ELAVL1: variants seen among roughly 807,000 people sequenced by gnomAD.
ELAVL1 encodes ELAV like RNA binding protein 1.
A neutral mutation model predicts 28.4 loss-of-function variants in ELAVL1; 1 was observed. The observed-to-expected ratio is 0.04, with a 90% CI of 0.01 to 0.17. The LOEUF is 0.17. Among genes scored for constraint, ELAVL1 ranks in the 10% least tolerant of loss-of-function variants. The pLI is 1.00. For synonymous variants in ELAVL1, 174 were observed against 183.5 expected (o/e 0.95, Z 0.42); for missense variants, 157 against 447.2 (o/e 0.35, Z 5.85).
rs1985447271 is a variant in ELAVL1 at position 7,981,018 on chromosome 19, G to A, written c.276+65C>T. The A allele has an allele frequency of 2.0e-6, 3 of 1,517,582 alleles. No individual in the cohort carries two copies. The highest frequency in any genetic ancestry group is 1.4e-5 in the African/African-American group (1 of 73,124). 94.0% of individuals were successfully genotyped at this position (1,517,582 alleles called of 1,614,324 possible). On this transcript the variant is annotated intron_variant, in intron 3 of 5. Transcript: ENST00000407627. The surrounding 1 kb of genome is among the most constrained non-coding windows in gnomAD (Gnocchi z 4.2). ...CCTTGGAGAGTGACTGTGAGGCTGG[G>A]CGGGGCTCAGCACAGACCTGTGCCC...
At chr19:7,971,965 G>C (rs994334806) in intron 4 of ELAVL1, among the ~76,000 whole-genome samples, 1 of 152,238 alleles carries the variant, frequency 6.6e-6, no homozygotes, top group Non-Finnish European at 1.5e-5. Flanking sequence ...CATGAAAGGC[G>C]AGGCTCTGGG....
In ELAVL1 at chr19:7,963,350, C is replaced by T; in HGVS notation, c.*133G>A. 4 of 1,071,214 alleles carry T rather than the reference C, an allele frequency of 3.7e-6. No homozygotes were observed. The highest frequency in any genetic ancestry group is 5.3e-6 in the Non-Finnish European group (4 of 754,616). 66.4% of individuals were successfully genotyped at this position (1,071,214 alleles called of 1,614,324 possible). A position where few individuals can be genotyped will look rare whatever the true frequency, so the allele number is the denominator to read the frequency against. On this transcript the variant is annotated 3_prime_UTR_variant, in exon 6 of 6. Transcript: ENST00000407627. The surrounding 1 kb of genome is among the most constrained non-coding windows in gnomAD (Gnocchi z 4.5). The stretch of plus-strand genomic sequence containing the variant: ...TCGGTTGCATCCCAGAGTATAAAAA[C>T]CTTCTCACTTCTCATTCAGACAAAG...
At chr19:7,998,035 C>A (rs1017022333) in intron 1 of ELAVL1, among the ~76,000 whole-genome samples, 11 of 152,178 alleles carry the variant, frequency 7.2e-5, no homozygotes, top group African/African-American at 2.7e-4. Flanking sequence ...TTCCTCCTGA[C>A]ACTCTGAGTC....
chr19:7,960,579 G>A lies in ELAVL1; in HGVS notation c.*2904C>T, dbSNP rs1361579886. 1.3e-5 allele frequency: 2 copies of A among 152,596 alleles called. No homozygotes were observed. The highest frequency in any genetic ancestry group is 2.9e-5 in the Non-Finnish European group (2 of 68,034). 9.5% of individuals were successfully genotyped at this position (152,596 alleles called of 1,614,324 possible). ...CAAGGGAGAATTCATCAGGAAGCAG[G>A]TTCACAAATTCGGAGCTGCCTGGGG... On this transcript the variant is annotated 3_prime_UTR_variant, in exon 6 of 6. Transcript: ENST00000407627.
chr19:7,971,299 T>C (rs145290624), intron 4 of ELAVL1, among the ~76,000 whole-genome samples: 32 of 152,214 alleles, frequency 2.1e-4, no homozygotes, highest in Non-Finnish European at 3.2e-4. Context: ...TTCTCAGGCA[T>C]TGGGGGCTCC....
rs1984792744 is a variant in ELAVL1, at chr19:7,961,097, A to C, written c.*2386T>G. On this transcript the variant is annotated 3_prime_UTR_variant, in exon 6 of 6. Transcript: ENST00000407627. ...AACTTCAGGGAACTTTCAAAGGCTC[A>C]TATACTTCACAGTTTCTTCTCACCT... 1 of 152,282 alleles carries C rather than the reference A, an allele frequency of 6.6e-6. No homozygotes were observed. Among genetic ancestry groups the C allele is most frequent in the Admixed American group, 6.5e-5 (1 of 15,288 alleles). The allele number at this position is 152,282 out of a possible 1,614,324, so 9.4% of individuals were successfully genotyped here.
intron 2 of ELAVL1, among the ~76,000 whole-genome samples, chr19:7,989,131 G>A (rs913107969): frequency 1.3e-5 from 2 of 152,190 alleles, no homozygotes; most frequent in Non-Finnish European, 2.9e-5. Flanking sequence ...GGCTGTCTTG[G>A]GAGGCTGGGA....
At chr19:7,976,584 C>T (rs1267461653) in intron 3 of ELAVL1, among the ~76,000 whole-genome samples, 1 of 152,148 alleles carries the variant, frequency 6.6e-6, no homozygotes, top group Non-Finnish European at 1.5e-5. Flanking sequence ...TGAGAGAGGC[C>T]TGTGACAGAT....
intron 2 of ELAVL1, among the ~76,000 whole-genome samples, chr19:7,990,338 G>GTTTT (rs752741632): frequency 1.4e-5 from 2 of 141,120 alleles, no homozygotes; most frequent in Non-Finnish European, 3.1e-5. Context: ...TTTTAAATTA[G>GTTTT]TTTTTTTTTT....
intron 1 of ELAVL1, among the ~76,000 whole-genome samples, chr19:7,996,640 TACA>T (rs2081050302): frequency 6.6e-6 from 1 of 151,508 alleles, no homozygotes; most frequent in Non-Finnish European, 1.5e-5. Flanking sequence ...ACCCCATCTC[TACA>T]AAAATACAAC....
In ELAVL1 at chr19:7,960,249, T is replaced by C. The variant is rs937956489; in HGVS notation, c.*3234A>G. Reference sequence around the variant, plus strand: ...CCCAACAGCAGCACGGTTCAGTCCCTGGAGGCTGGGTCTCCAGGACTAAGG... The same window carrying C: ...CCCAACAGCAGCACGGTTCAGTCCCCGGAGGCTGGGTCTCCAGGACTAAGG... On this transcript the variant is annotated 3_prime_UTR_variant, in exon 6 of 6. Transcript: ENST00000407627. The C allele has an allele frequency of 3.3e-5, 5 of 152,170 alleles. No individual in the cohort carries two copies. The highest frequency in any genetic ancestry group is 2.0e-4 in the Admixed American group (3 of 15,282). 9.4% of individuals were successfully genotyped at this position (152,170 alleles called of 1,614,324 possible). A position where few individuals can be genotyped will look rare whatever the true frequency, so the allele number is the denominator to read the frequency against.
chr19:7,994,742 A>G (rs144738927), intron 1 of ELAVL1, among the ~76,000 whole-genome samples: 185 of 152,372 alleles, frequency 1.2e-3, no homozygotes, highest in African/African-American at 4.0e-3. Flanking sequence ...ACGCAAGTGC[A>G]GGAGTTCAAG....
chr19:7,983,539 A>C (rs1303525544), intron 2 of ELAVL1, among the ~76,000 whole-genome samples: 1 of 152,126 alleles, frequency 6.6e-6, no homozygotes, highest in Non-Finnish European at 1.5e-5. Context: ...CTTGACCACG[A>C]CGCCAGCCTG....
intron 3 of ELAVL1, among the ~76,000 whole-genome samples, chr19:7,974,901 A>C (rs1985237243): frequency 6.6e-6 from 1 of 152,204 alleles, no homozygotes; most frequent in Admixed American, 6.5e-5. Context: ...CCAGAGAAGG[A>C]ACAACAGACA....
rs377051094 is a variant in ELAVL1, at chr19:7,967,600, G to A, written c.621C>T (p.Phe207=). The stretch of plus-strand genomic sequence containing the variant: ...GCGCCTGGTGGTGAACGGGGCCTCC[G>A]AACCGTCGCGCTGGCGAGTGGTACA... The part of the protein sequence containing the change: ...SQLYHSPARR[F]GGPVHHQAQR... Residue 207 remains phenylalanine (F), a synonymous_variant, in exon 5 of 6, where the codon TTC becomes TTT. Transcript: ENST00000407627. 5.0e-6 allele frequency: 8 copies of A among 1,613,988 alleles called. No individual in the cohort carries two copies. Among genetic ancestry groups the A allele is most frequent in the South Asian group, 2.2e-5 (2 of 91,082 alleles).
chr19:7,965,769 AG>A (rs1236998998), intron 5 of ELAVL1, among the ~76,000 whole-genome samples: 1 of 152,092 alleles, frequency 6.6e-6, no homozygotes, highest in Non-Finnish European at 1.5e-5. Context: ...TTCCAGGCTA[AG>A]GAGCAGTTCA....
At position 7,962,827 on chromosome 19, in the gene ELAVL1, G is replaced by C. The variant is rs2145197312; in HGVS notation, c.*656C>G. On this transcript the variant is annotated 3_prime_UTR_variant, in exon 6 of 6. Transcript: ENST00000407627. ...CTTTGGTCCATTCCCATTGGTGCCT[G>C]GGCTTACGAAACACGTTTGTGTCCT... 1 of 152,850 alleles carries C rather than the reference G, an allele frequency of 6.5e-6. No individual in the cohort carries two copies. Among genetic ancestry groups the C allele is most frequent in the East Asian group, 1.9e-4 (1 of 5,190 alleles). The allele number at this position is 152,850 out of a possible 1,614,324, so 9.5% of individuals were successfully genotyped here.
intron 1 of ELAVL1, among the ~76,000 whole-genome samples, chr19:7,996,161 C>T (rs1331812794): frequency 1.3e-5 from 2 of 151,840 alleles, no homozygotes; most frequent in African/African-American, 2.4e-5. Flanking sequence ...TAGGCGTAAG[C>T]CACCTCACCC....
chr19:7,978,438 G>A (rs1318405370), intron 3 of ELAVL1, among the ~76,000 whole-genome samples: 3 of 152,200 alleles, frequency 2.0e-5, no homozygotes, highest in Admixed American at 6.5e-5. Context: ...AGAGTCAATC[G>A]GTCATGCATT....
Sources: allele counts gnomAD v4.1 joint callset (sites outside exome capture counted in the v4.1 genomes callset), GRCh38; gene constraint gnomAD v4.1.1; non-coding constraint Gnocchi (gnomAD v3.1); transcripts MANE v1.5; gene names NCBI Gene and HGNC (gene_info 2026-07-23, HGNC 2026-07-21).